Variants in TMEM132C observed in about 807,000 individuals in gnomAD.
TMEM132C encodes transmembrane protein 132C.
TMEM132C carries 29 observed loss-of-function variants against 61.4 expected under a neutral mutation model. The ratio of observed to expected loss-of-function variants is 0.47; its 90% CI spans 0.35 to 0.64. The LOEUF is 0.64. TMEM132C is among the 30% of genes least tolerant of loss of function. The pLI is 0.00. For synonymous variants in TMEM132C, 656 were observed against 633.1 expected (o/e 1.04, Z -0.54); for missense variants, 1,408 against 1,476.9 (o/e 0.95, Z 0.76).
intron 8 of TMEM132C, among the ~76,000 whole-genome samples, chr12:128,700,362 A>G (rs1954795286): frequency 6.6e-6 from 1 of 152,220 alleles, no homozygotes; most frequent in Non-Finnish European, 1.5e-5. Context: ...GCCTCTCTGT[A>G]ATGAGCTTAT....
At chr12:128,693,786 TCCATGAA>T (rs1566017144) in intron 5 of TMEM132C, 36 bp from the exon 6 acceptor site, 1 of 1,545,344 alleles carries the variant, frequency 6.5e-7, no homozygotes, top group Non-Finnish European at 8.8e-7. Flanking sequence ...TCTCCAAGGC[TCCATGAA>T]CTTCTCCTCC....
intron 3 of TMEM132C, among the ~76,000 whole-genome samples, chr12:128,591,216 C>G (rs1435611589): frequency 6.6e-6 from 1 of 152,166 alleles, no homozygotes; most frequent in African/African-American, 2.4e-5. Flanking sequence ...AATTTTAGAA[C>G]ATTCTCTTCA....
intron 1 of TMEM132C, among the ~76,000 whole-genome samples, chr12:128,272,974 C>T (rs1195284914): frequency 1.3e-5 from 2 of 152,142 alleles, no homozygotes; most frequent in African/African-American, 4.8e-5. Context: ...AGAGGTGTTA[C>T]ATTTTAATGA....
At chr12:128,324,997 A>G (rs1342119694) in intron 1 of TMEM132C, among the ~76,000 whole-genome samples, 6 of 152,214 alleles carry the variant, frequency 3.9e-5, no homozygotes, top group African/African-American at 1.2e-4. Flanking sequence ...TAAGTCATGG[A>G]AAACATTTTA....
chr12:128,576,706 C>T (rs150226690), intron 3 of TMEM132C, among the ~76,000 whole-genome samples: 1,619 of 152,262 alleles, frequency 0.011, 15 homozygotes, highest in Non-Finnish European at 0.017. Context: ...GCCATTTGTC[C>T]GTGATCGCAC....
intron 2 of TMEM132C, among the ~76,000 whole-genome samples, chr12:128,454,599 C>T (rs1004204444): frequency 2.6e-5 from 4 of 152,144 alleles, no homozygotes; most frequent in East Asian, 1.9e-4. Flanking sequence ...CAGAGGTGTT[C>T]GCCGGGGCTG....
intron 3 of TMEM132C, among the ~76,000 whole-genome samples, chr12:128,556,105 A>T (rs189660985): frequency 4.6e-5 from 7 of 152,290 alleles, no homozygotes; most frequent in Non-Finnish European, 2.9e-5. Context: ...GGGGAGAGGA[A>T]CAGTTGAGGA....
chr12:128,597,877 G>A (rs1254165447), intron 3 of TMEM132C, among the ~76,000 whole-genome samples: 1 of 152,200 alleles, frequency 6.6e-6, no homozygotes, highest in Non-Finnish European at 1.5e-5. Flanking sequence ...CATGCAGAGA[G>A]TAGCTGGAGG....
At chr12:128,548,038 C>T (rs1593095873) in intron 3 of TMEM132C, among the ~76,000 whole-genome samples, 1 of 152,210 alleles carries the variant, frequency 6.6e-6, no homozygotes, top group Admixed American at 6.5e-5. Context: ...CCTTCTACAT[C>T]AGGAGATGAT....
intron 5 of TMEM132C, among the ~76,000 whole-genome samples, chr12:128,690,720 A>G (rs1412288412): frequency 2.0e-5 from 3 of 152,128 alleles, no homozygotes. Context: ...TCCTTCTTTA[A>G]TCAGCATGTA....
chr12:128,404,857 C>A (rs929098051), intron 1 of TMEM132C: 23 of 152,212 alleles, frequency 1.5e-4, no homozygotes, highest in Admixed American at 2.6e-4. Context: ...CAATTTCTGA[C>A]TGCAGCTTTG....
At chr12:128,452,056 T>C (rs1196577570) in intron 2 of TMEM132C, among the ~76,000 whole-genome samples, 2 of 152,154 alleles carry the variant, frequency 1.3e-5, no homozygotes, top group Non-Finnish European at 2.9e-5. Context: ...CAAGCAATTT[T>C]CTTTTATTTT....
intron 4 of TMEM132C, among the ~76,000 whole-genome samples, chr12:128,641,017 A>G (rs191067188): frequency 5.5e-4 from 84 of 152,290 alleles, no homozygotes; most frequent in Admixed American, 2.9e-3. Flanking sequence ...TGCTGATGAG[A>G]AAAGGGCTGA....
chr12:128,544,774 T>C (rs1238553591), intron 3 of TMEM132C, among the ~76,000 whole-genome samples: 1 of 152,258 alleles, frequency 6.6e-6, no homozygotes, highest in Non-Finnish European at 1.5e-5. Flanking sequence ...TTTACAAATT[T>C]GGGATCATCA....
intron 1 of TMEM132C, among the ~76,000 whole-genome samples, chr12:128,407,681 G>A (rs1054449572): frequency 2.0e-5 from 3 of 152,200 alleles, no homozygotes; most frequent in South Asian, 4.1e-4. Flanking sequence ...AAAAGAGGCA[G>A]AGTGGAAATG....
In TMEM132C at chr12:128,699,718, C is replaced by T. The variant is rs146934806; in HGVS notation, c.2121+2303C>T. On this transcript the variant is annotated intron_variant, in intron 8 of 8. Transcript: ENST00000435159. ...TCACCTGTGCCATGTAACAATATAA[C>T]ATAATCATGACAGCAGTCACTCATC... Among the ~76,000 whole-genome samples, 162 of 152,336 alleles carry T rather than the reference C, an allele frequency of 1.1e-3. 1 individual carries two copies. The highest frequency in any genetic ancestry group is 3.5e-3 in the African/African-American group (147 of 41,580).
chr12:128,589,784 G>A (rs1006248968), intron 3 of TMEM132C, among the ~76,000 whole-genome samples: 7 of 151,994 alleles, frequency 4.6e-5, no homozygotes, highest in Admixed American at 4.6e-4. Flanking sequence ...CTTATCAGCA[G>A]TGCAGCCTTG....
At chr12:128,318,489 G>A (rs1009161650) in intron 1 of TMEM132C, among the ~76,000 whole-genome samples, 8 of 152,128 alleles carry the variant, frequency 5.3e-5, no homozygotes, top group Non-Finnish European at 1.0e-4. Flanking sequence ...GAGAACAACA[G>A]GGGTCATTAT....
At chr12:128,388,131 G>A (rs1434051462) in intron 1 of TMEM132C, among the ~76,000 whole-genome samples, 8 of 152,228 alleles carry the variant, frequency 5.3e-5, no homozygotes, top group Non-Finnish European at 1.5e-5. Flanking sequence ...TGGGCCAGTG[G>A]CTTCCTCTTC....
Sources: gnomAD v4.1 joint callset for allele counts (sites outside exome capture counted in the v4.1 genomes callset) on GRCh38, gnomAD v4.1.1 for gene constraint, MANE v1.5 for transcripts, NCBI Gene and HGNC (gene_info 2026-07-23, HGNC 2026-07-21) for gene names.